The following PTPRD variants were observed in gnomAD, a reference collection of about 807,000 sequenced individuals.
PTPRD encodes protein tyrosine phosphatase receptor type D, also known as receptor-type tyrosine-protein phosphatase delta.
PTPRD carries 34 observed loss-of-function variants against 214.5 expected under a neutral mutation model. The ratio of observed to expected loss-of-function variants is 0.16; its 90% CI spans 0.12 to 0.21. The LOEUF (loss-of-function observed/expected upper bound fraction) is 0.21. Ranked by LOEUF, PTPRD falls within the 10% of genes least tolerant of loss-of-function variation. PTPRD has a pLI of 1.00. For missense variants in PTPRD, 2,545 were observed against 2,398.7 expected (o/e 1.06, Z -1.27); for synonymous variants, 1,128 against 845.7 (o/e 1.33, Z -5.79).
chr9:10,421,417 G>C (rs2098544717), intron 2 of PTPRD, among the ~76,000 whole-genome samples: 1 of 151,884 alleles, frequency 6.6e-6, no homozygotes, highest in Non-Finnish European at 1.5e-5. Flanking sequence ...ACCATATCCA[G>C]ATAGAAGAGA....
intron 4 of PTPRD, among the ~76,000 whole-genome samples, chr9:10,007,149 T>C (rs114784946): frequency 1.3e-5 from 2 of 151,994 alleles, no homozygotes; most frequent in Admixed American, 1.3e-4. Context: ...TAAGTCAGAA[T>C]TGATATGGTC....
At chr9:9,600,935 TG>T (rs761230217) in intron 7 of PTPRD, among the ~76,000 whole-genome samples, 1 of 152,098 alleles carries the variant, frequency 6.6e-6, no homozygotes, top group Non-Finnish European at 1.5e-5. Flanking sequence ...TTCTTGTTTT[TG>T]GTTTGTGATG....
At chr9:9,341,003 T>C (rs2046575153) in intron 9 of PTPRD, among the ~76,000 whole-genome samples, 1 of 152,188 alleles carries the variant, frequency 6.6e-6, no homozygotes, top group South Asian at 2.1e-4. Flanking sequence ...GTGGTATGTA[T>C]ACAAAAGCTT....
intron 21 of PTPRD, among the ~76,000 whole-genome samples, chr9:8,508,748 T>C (rs190238648): frequency 2.6e-5 from 4 of 152,282 alleles, no homozygotes; most frequent in East Asian, 1.9e-4. Context: ...GCTTTCCTTT[T>C]CTTTTATAGT....
At chr9:9,018,426 C>T (rs1416839854) in intron 11 of PTPRD, among the ~76,000 whole-genome samples, 3 of 152,090 alleles carry the variant, frequency 2.0e-5, no homozygotes, top group Admixed American at 1.3e-4. Context: ...AAAACATACC[C>T]ATTATTTAGG....
chr9:10,609,531 C>T (rs778565078), intron 2 of PTPRD, among the ~76,000 whole-genome samples: 4 of 152,016 alleles, frequency 2.6e-5, no homozygotes, highest in Admixed American at 6.6e-5. Context: ...TAATATTCTG[C>T]TAATTCTTGG....
intron 2 of PTPRD, among the ~76,000 whole-genome samples, chr9:10,580,326 T>G (rs10738168): frequency 0.76 from 115,789 of 152,100 alleles, 44,266 homozygotes; most frequent in East Asian, 0.94. Context: ...ATTACATTCT[T>G]TGTCTTGGGA....
At chr9:8,708,895 A>C (rs1045902401) in intron 12 of PTPRD, among the ~76,000 whole-genome samples, 1 of 152,166 alleles carries the variant, frequency 6.6e-6, no homozygotes, top group Non-Finnish European at 1.5e-5. Flanking sequence ...TTATGTACAC[A>C]GTGAAATCCT....
chr9:9,174,133 G>A (rs889122767), intron 10 of PTPRD, among the ~76,000 whole-genome samples: 3 of 151,792 alleles, frequency 2.0e-5, no homozygotes, highest in Non-Finnish European at 4.4e-5. Flanking sequence ...ATACCATACA[G>A]CCCCCCCAAA....
intron 9 of PTPRD, among the ~76,000 whole-genome samples, chr9:9,374,207 G>A (rs2060220716): frequency 6.6e-6 from 1 of 151,898 alleles, no homozygotes; most frequent in Admixed American, 6.6e-5. Context: ...ATGATAGACT[G>A]CAAAATTCTA....
chr9:9,911,638 TG>T (rs2079216131), intron 5 of PTPRD, among the ~76,000 whole-genome samples: 1 of 152,136 alleles, frequency 6.6e-6, no homozygotes, highest in African/African-American at 2.4e-5. Context: ...TTCAAAAAAA[TG>T]TTGCTTTTAT....
chr9:9,467,588 CAAAA>C (rs1176159031), intron 8 of PTPRD, among the ~76,000 whole-genome samples: 5 of 55,950 alleles, frequency 8.9e-5, no homozygotes, highest in South Asian at 2.1e-3. Flanking sequence ...CTCCATCTCC[CAAAA>C]AAAAAAAAAA....
chr9:9,118,461 G>C (rs2099814424), intron 10 of PTPRD, among the ~76,000 whole-genome samples: 2 of 152,134 alleles, frequency 1.3e-5, no homozygotes, highest in South Asian at 4.1e-4. Flanking sequence ...CAACTTTTTA[G>C]TCACACACTG....
chr9:9,922,683 T>C (rs749190519), intron 5 of PTPRD, among the ~76,000 whole-genome samples: 2 of 152,014 alleles, frequency 1.3e-5, no homozygotes, highest in Non-Finnish European at 2.9e-5. Context: ...AAAAAAGTTA[T>C]TGGAAAAGTA....
At chr9:10,479,273 G>C (rs1401280694) in intron 2 of PTPRD, among the ~76,000 whole-genome samples, 1 of 152,078 alleles carries the variant, frequency 6.6e-6, no homozygotes, top group Admixed American at 6.5e-5. Flanking sequence ...ACTAACCTTA[G>C]AGGTACTTGT....
intron 34 of PTPRD, among the ~76,000 whole-genome samples, chr9:8,439,792 G>C (rs988513305): frequency 6.6e-6 from 1 of 151,960 alleles, no homozygotes; most frequent in Non-Finnish European, 1.5e-5. Flanking sequence ...GAATGAAAAG[G>C]TAGACACTAA....
At chr9:9,789,252 C>G (rs531408714) in intron 5 of PTPRD, among the ~76,000 whole-genome samples, 14 of 152,184 alleles carry the variant, frequency 9.2e-5, no homozygotes, top group Non-Finnish European at 1.6e-4. Flanking sequence ...TAATATACAT[C>G]CAAGGTAAGC....
At chr9:10,383,166 C>A (rs1401256192) in intron 2 of PTPRD, among the ~76,000 whole-genome samples, 1 of 151,836 alleles carries the variant, frequency 6.6e-6, no homozygotes, top group Admixed American at 6.6e-5. Context: ...CATGAACTTA[C>A]AGGTATTGGC....
chr9:10,401,219 C>T (rs2098264238), intron 2 of PTPRD, among the ~76,000 whole-genome samples: 1 of 151,632 alleles, frequency 6.6e-6, no homozygotes, highest in African/African-American at 2.4e-5. Context: ...TCTTACTTTG[C>T]ACTTGCAATT....
Sources: gnomAD v4.1 joint callset for allele counts (sites outside exome capture counted in the v4.1 genomes callset) on GRCh38, gnomAD v4.1.1 for gene constraint, MANE v1.5 for transcripts, NCBI Gene and HGNC (gene_info 2026-07-23, HGNC 2026-07-21) for gene names.